MAML2: variants seen among roughly 807,000 people sequenced by gnomAD.
MAML2 encodes the protein mastermind like transcriptional coactivator 2, also known as mastermind-like protein 2.
A neutral mutation model predicts 96.1 loss-of-function variants in MAML2; 22 were observed. The observed-to-expected ratio is 0.23, with a 90% CI of 0.16 to 0.33. The LOEUF is 0.33. Among genes scored for constraint, MAML2 ranks in the 10% least tolerant of loss-of-function variants. MAML2 has a pLI of 1.00. For missense variants in MAML2, 1,367 were observed against 1,392.4 expected, an observed-to-expected ratio of 0.98 and a Z score of 0.29; for synonymous variants, 561 against 521.3, an observed-to-expected ratio of 1.08 and a Z score of -1.04.
At chr11:96,130,236 T>C (rs1860523388) in intron 1 of MAML2, among the ~76,000 whole-genome samples, 1 of 152,198 alleles carries the variant, frequency 6.6e-6, no homozygotes, top group African/African-American at 2.4e-5. Flanking sequence ...GTGCAGAAGA[T>C]AAACCAGAGG....
chr11:96,010,648 A>G (rs890277337), intron 2 of MAML2, among the ~76,000 whole-genome samples: 1 of 152,348 alleles, frequency 6.6e-6, no homozygotes, highest in South Asian at 2.1e-4. Flanking sequence ...AGTATTTTGA[A>G]CCAAAAAGTT....
At chr11:96,031,301 T>C (rs1858609760) in intron 2 of MAML2, among the ~76,000 whole-genome samples, 1 of 152,068 alleles carries the variant, frequency 6.6e-6, no homozygotes, top group Admixed American at 6.6e-5. Context: ...CATTGAATCC[T>C]ATGAGCTAAG....
At chr11:96,076,505 C>T (rs952007638) in intron 2 of MAML2, among the ~76,000 whole-genome samples, 1 of 151,834 alleles carries the variant, frequency 6.6e-6, no homozygotes, top group Non-Finnish European at 1.5e-5. Flanking sequence ...TAACTTCTCA[C>T]AGCAACTTCC....
At chr11:96,042,342 G>A (rs1481671389) in intron 2 of MAML2, among the ~76,000 whole-genome samples, 1 of 151,800 alleles carries the variant, frequency 6.6e-6, no homozygotes, top group African/African-American at 2.4e-5. Context: ...GGCTGGTCTC[G>A]AGCTCCCGAC....
At chr11:96,045,917 T>C (rs557554059) in intron 2 of MAML2, among the ~76,000 whole-genome samples, 2,327 of 149,964 alleles carry the variant, frequency 0.016, 73 homozygotes, top group African/African-American at 0.054. Context: ...TTTTTTTTTT[T>C]TCCCCCATTC....
chr11:96,258,727 G>A (rs1862705267), intron 1 of MAML2, among the ~76,000 whole-genome samples: 1 of 152,234 alleles, frequency 6.6e-6, no homozygotes, highest in Non-Finnish European at 1.5e-5. Context: ...AATCACCTAT[G>A]AGCAGAGAGG....
chr11:96,087,892 C>A (rs763054047), intron 2 of MAML2, among the ~76,000 whole-genome samples: 1 of 152,174 alleles, frequency 6.6e-6, no homozygotes, highest in East Asian at 1.9e-4. Context: ...GCGTTTCCAG[C>A]TGATACAAGA....
intron 1 of MAML2, among the ~76,000 whole-genome samples, chr11:96,298,738 A>T (rs895237961): frequency 4.8e-5 from 7 of 146,456 alleles, no homozygotes; most frequent in Non-Finnish European, 1.0e-4. Flanking sequence ...ACATAATATT[A>T]TATATATATA....
intron 2 of MAML2, among the ~76,000 whole-genome samples, chr11:96,084,444 T>A (rs559437239): frequency 1.3e-5 from 2 of 152,276 alleles, no homozygotes; most frequent in East Asian, 3.9e-4. Flanking sequence ...GGATATGTTT[T>A]ATCCAAGGGC....
chr11:96,010,204 T>G (rs1458667247), intron 2 of MAML2, among the ~76,000 whole-genome samples: 2 of 152,254 alleles, frequency 1.3e-5, no homozygotes, highest in Non-Finnish European at 2.9e-5. Flanking sequence ...TAATTATATA[T>G]GGATACATAT....
chr11:96,123,470 C>T (rs927677218), intron 1 of MAML2, among the ~76,000 whole-genome samples: 2 of 152,152 alleles, frequency 1.3e-5, no homozygotes, highest in African/African-American at 2.4e-5. Context: ...TACCATTTGC[C>T]TTTGATGTGG....
chr11:96,306,584 A>G (rs184398701), intron 1 of MAML2, among the ~76,000 whole-genome samples: 8 of 152,334 alleles, frequency 5.3e-5, no homozygotes, highest in African/African-American at 1.9e-4. Context: ...AGACTGGGCC[A>G]TGTATTTTGC....
chr11:96,220,594 A>T (rs941802870), intron 1 of MAML2, among the ~76,000 whole-genome samples: 2 of 152,200 alleles, frequency 1.3e-5, no homozygotes, highest in Non-Finnish European at 2.9e-5. Flanking sequence ...GTTGTTACAA[A>T]ATGCAATGTA....
chr11:96,055,351 C>T (rs945312185), intron 2 of MAML2, among the ~76,000 whole-genome samples: 3 of 152,088 alleles, frequency 2.0e-5, no homozygotes, highest in Non-Finnish European at 2.9e-5. Flanking sequence ...CAGCACTACA[C>T]AAGAGCTTAG....
At chr11:96,088,824 A>G (rs375016646) in intron 2 of MAML2, among the ~76,000 whole-genome samples, 2 of 152,152 alleles carry the variant, frequency 1.3e-5, no homozygotes, top group Admixed American at 1.3e-4. Context: ...GGGCACAGGA[A>G]TTGCCCACAT....
intron 1 of MAML2, among the ~76,000 whole-genome samples, chr11:96,280,268 T>C (rs1212145897): frequency 6.6e-6 from 1 of 152,182 alleles, no homozygotes; most frequent in Non-Finnish European, 1.5e-5. Flanking sequence ...GTATCTCTCA[T>C]GGAAAGGGGG....
chr11:95,978,590 T>A lies in MAML2; in HGVS notation c.*358A>T. 1.1e-5 allele frequency: 3 copies of A among 261,560 alleles called. No individual in the cohort carries two copies. The highest frequency in any genetic ancestry group is 2.2e-5 in the Non-Finnish European group (3 of 137,500). 16.2% of individuals were successfully genotyped at this position (261,560 alleles called of 1,614,324 possible). On this transcript the variant is annotated 3_prime_UTR_variant, in exon 5 of 5. Coordinates refer to ENST00000524717, the MANE Select transcript of MAML2 (RefSeq NM_032427.4). ...ACTAGTACCTCCTCATGACATGGGG[T>A]TTAAATAAACTACAAGTTCTATTAC...
intron 2 of MAML2, among the ~76,000 whole-genome samples, chr11:96,004,717 A>T (rs1375227061): frequency 6.6e-6 from 1 of 152,100 alleles, no homozygotes; most frequent in East Asian, 1.9e-4. Flanking sequence ...GTATATTTTG[A>T]CTTCTTGTCT....
At chr11:96,036,985 T>C (rs1858724063) in intron 2 of MAML2, among the ~76,000 whole-genome samples, 1 of 152,290 alleles carries the variant, frequency 6.6e-6, no homozygotes, top group African/African-American at 2.4e-5. Flanking sequence ...AATTTTGAAC[T>C]GGATCCATCT....
Sources: gnomAD v4.1 joint callset for allele counts (sites outside exome capture counted in the v4.1 genomes callset) on GRCh38, gnomAD v4.1.1 for gene constraint, MANE v1.5 for transcripts, NCBI Gene and HGNC (gene_info 2026-07-23, HGNC 2026-07-21) for gene names.